ACTL8: variants seen among roughly 807,000 people sequenced by gnomAD.
The protein encoded by ACTL8 is actin-like protein 8.
A neutral mutation model predicts 9.3 loss-of-function variants in ACTL8; 3 were observed. That is an observed-to-expected ratio of 0.32 (90% CI 0.15 to 0.83). The LOEUF is 0.83. ACTL8 is among the 40% of genes least tolerant of loss of function. The pLI is 0.57. For missense variants in ACTL8, 381 were observed against 492.2 expected (o/e 0.77, Z 2.14); for synonymous variants, 224 against 205.9 (o/e 1.09, Z -0.75).
At chr1:17,768,916 C>A (rs978152740) in intron 1 of ACTL8, among the ~76,000 whole-genome samples, 1 of 152,062 alleles carries the variant, frequency 6.6e-6, no homozygotes, top group Non-Finnish European at 1.5e-5. Flanking sequence ...GAGGAGTGGT[C>A]CACTGCTTCA....
intron 1 of ACTL8, among the ~76,000 whole-genome samples, chr1:17,782,418 T>C (rs1038026371): frequency 1.3e-5 from 2 of 152,032 alleles, no homozygotes; most frequent in Non-Finnish European, 2.9e-5. Context: ...TATCTGTCCA[T>C]GGTAGGAAAA....
rs1379766983 is a variant in ACTL8 at position 17,826,023 on chromosome 1, A to C, written c.605A>C (p.Glu202Ala). 6.2e-7 allele frequency: 1 copy of C among 1,606,874 alleles called. No individual in the cohort carries two copies. The highest frequency in any genetic ancestry group is 1.7e-5 in the Admixed American group (1 of 60,024). Residue 202 changes from glutamate to alanine, a missense_variant, in exon 3 of 3, where the codon GAG becomes GCG. This residue lies in a region of ACTL8 where 243 missense variants were observed against 276.2 expected (regional missense o/e 0.88). Transcript: ENST00000375406. The surrounding 1 kb of genome is among the most constrained non-coding windows in gnomAD (Gnocchi z 4.5). Reference protein sequence around the residue: ...DCDRRCLFQLETVAVTQMNKC... With the variant: ...DCDRRCLFQLATVAVTQMNKC... ...GATAGACGCTGCCTGTTTCAGCTGGAGACAGTCGCCGTGACTCAGATGAAC... is the reference window on the plus strand; with the variant it reads ...GATAGACGCTGCCTGTTTCAGCTGGCGACAGTCGCCGTGACTCAGATGAAC...
chr1:17,819,263 C>G (rs74551300), intron 1 of ACTL8, among the ~76,000 whole-genome samples: 3,524 of 152,358 alleles, frequency 0.023, 130 homozygotes, highest in African/African-American at 0.078. Context: ...TGTCATGCAG[C>G]CGGCCAGTTC....
intron 1 of ACTL8, among the ~76,000 whole-genome samples, chr1:17,811,794 ACT>A (rs1218994464): frequency 4.6e-5 from 7 of 151,058 alleles, no homozygotes; most frequent in South Asian, 4.2e-4. Context: ...ATTCTTGGAC[ACT>A]CTGTTCTTTT....
chr1:17,781,743 G>T (rs1008738419), intron 1 of ACTL8, among the ~76,000 whole-genome samples: 1 of 151,846 alleles, frequency 6.6e-6, no homozygotes, highest in African/African-American at 2.4e-5. Context: ...CTTCGGGAGG[G>T]CTGCACACCA....
chr1:17,768,297 G>A (rs1049404243), intron 1 of ACTL8, among the ~76,000 whole-genome samples: 1 of 83,618 alleles, frequency 1.2e-5, no homozygotes, highest in Non-Finnish European at 3.2e-5. Context: ...CATGTACCCA[G>A]AGAGAGGGGA....
At chr1:17,759,017 G>A (rs1287952349) in intron 1 of ACTL8, among the ~76,000 whole-genome samples, 1 of 152,182 alleles carries the variant, frequency 6.6e-6, no homozygotes, top group African/African-American at 2.4e-5. Context: ...CCTTGTTTTG[G>A]GGAGTGAGTG....
chr1:17,762,850 T>C (rs1313336128), intron 1 of ACTL8, among the ~76,000 whole-genome samples: 1 of 152,114 alleles, frequency 6.6e-6, no homozygotes, highest in Non-Finnish European at 1.5e-5. Flanking sequence ...TGGCGCTTTC[T>C]GCGTGGCCTC....
At position 17,767,368 on chromosome 1, in the gene ACTL8, C is replaced by G. The variant is rs1235095982; in HGVS notation, c.-25+11864C>G. Reference sequence around the variant, plus strand: ...AGGGGGGCCAGTGTGGGGGCCGTCCCTGTGGTACAGGGGTGAGACGATGCT... The same window carrying G: ...AGGGGGGCCAGTGTGGGGGCCGTCCGTGTGGTACAGGGGTGAGACGATGCT... On this transcript the variant is annotated intron_variant, in intron 1 of 2. Transcript: ENST00000375406. This position sits in a 1 kb window ranked among gnomAD's most constrained non-coding sequence, Gnocchi z 4.7. Among the ~76,000 whole-genome samples, 1 of 152,182 alleles carries G rather than the reference C, an allele frequency of 6.6e-6. No homozygotes were observed. Among genetic ancestry groups the G allele is most frequent in the Admixed American group, 6.5e-5 (1 of 15,278 alleles).
chr1:17,787,787 C>A (rs1275868004), intron 1 of ACTL8, among the ~76,000 whole-genome samples: 1 of 152,012 alleles, frequency 6.6e-6, no homozygotes, highest in African/African-American at 2.4e-5. Context: ...ATTGCTGGGT[C>A]AAAAGGTTTG....
intron 1 of ACTL8, among the ~76,000 whole-genome samples, chr1:17,757,612 CAGCCACCTGCTGTTGTCACT>C (rs1357431459): frequency 6.6e-6 from 1 of 152,168 alleles, no homozygotes; most frequent in Non-Finnish European, 1.5e-5. Context: ...AGACTCATCA[CAGCCACCTGCTGTTGTCACT>C]AGCCCCTAGC....
rs1570050029 is a variant in ACTL8 at position 17,823,500 on chromosome 1, T to C, written c.348+144T>C. On this transcript the variant is annotated intron_variant, in intron 2 of 2. Coordinates refer to ENST00000375406, the MANE Select transcript of ACTL8 (RefSeq NM_030812.3). The surrounding 1 kb of genome is among the most constrained non-coding windows in gnomAD (Gnocchi z 5.3). ...GCTTATGCCTGTAATCCCAACACTTTGGGACTCCCAGGCAGGCAGATTGCT... is the reference window on the plus strand; with the variant it reads ...GCTTATGCCTGTAATCCCAACACTTCGGGACTCCCAGGCAGGCAGATTGCT... 2.5e-6 allele frequency: 2 copies of C among 797,788 alleles called. No individual in the cohort carries two copies. Among genetic ancestry groups the C allele is most frequent in the East Asian group, 2.7e-5 (1 of 37,018 alleles). The allele number at this position is 797,788 out of a possible 1,614,324, so 49.4% of individuals were successfully genotyped here.
chr1:17,821,878 G>A (rs1295353245), intron 1 of ACTL8, among the ~76,000 whole-genome samples: 1 of 152,160 alleles, frequency 6.6e-6, no homozygotes, highest in East Asian at 1.9e-4. Context: ...TGGCCGCCTT[G>A]GCCTCCCAAA....
At chr1:17,785,557 C>T (rs1187814458) in intron 1 of ACTL8, among the ~76,000 whole-genome samples, 2 of 152,206 alleles carry the variant, frequency 1.3e-5, no homozygotes, top group African/African-American at 2.4e-5. Context: ...CACTGCCTTG[C>T]TGGTCCTTCA....
chr1:17,771,633 T>C (rs1569999010), intron 1 of ACTL8, among the ~76,000 whole-genome samples: 1 of 152,228 alleles, frequency 6.6e-6, no homozygotes, highest in East Asian at 1.9e-4. Flanking sequence ...CCAGGCCCGA[T>C]TGGCAGAATT....
intron 1 of ACTL8, among the ~76,000 whole-genome samples, chr1:17,780,303 G>A (rs1459232841): frequency 1.3e-5 from 2 of 152,192 alleles, no homozygotes; most frequent in African/African-American, 2.4e-5. Flanking sequence ...GGATGCTCTT[G>A]TCTAAAGACC....
chr1:17,819,893 C>G (rs1338754138), intron 1 of ACTL8, among the ~76,000 whole-genome samples: 1 of 151,958 alleles, frequency 6.6e-6, no homozygotes, highest in Admixed American at 6.6e-5. Context: ...CCTGTAGCCC[C>G]AGCTACCCAG....
chr1:17,766,517 GTAGCAA>G (rs1330408556), intron 1 of ACTL8, among the ~76,000 whole-genome samples: 7 of 152,190 alleles, frequency 4.6e-5, no homozygotes, highest in African/African-American at 1.7e-4. Flanking sequence ...TGGTTGCAGA[GTAGCAA>G]TAGCAAAAGC....
rs2066054524 is a variant in ACTL8, at chr1:17,767,701, T to C, written c.-25+12197T>C. 6.6e-6 allele frequency among the ~76,000 whole-genome samples: 1 copy of C among 152,236 alleles called. No homozygotes were observed. Among genetic ancestry groups the C allele is most frequent in the Non-Finnish European group, 1.5e-5 (1 of 68,040 alleles). On this transcript the variant is annotated intron_variant, in intron 1 of 2. Transcript: ENST00000375406. The surrounding 1 kb of genome is among the most constrained non-coding windows in gnomAD (Gnocchi z 4.7). ...GTGCTTTATTATTATTTTTGGCATC[T>C]GCAGAAATACCTGCTTTATGTGTTG... is the stretch of plus-strand genomic sequence containing the variant.
Sources: allele counts gnomAD v4.1 joint callset (sites outside exome capture counted in the v4.1 genomes callset), GRCh38; gene constraint gnomAD v4.1.1; regional missense constraint gnomAD v4.1.1; non-coding constraint Gnocchi (gnomAD v3.1); transcripts MANE v1.5; gene names NCBI Gene and HGNC (gene_info 2026-07-23, HGNC 2026-07-21).